The following STX2 variants were observed in gnomAD, a reference collection of about 807,000 sequenced individuals.
STX2 encodes the protein syntaxin-2.
STX2 carries 27 observed loss-of-function variants against 40.6 expected under a neutral mutation model. The observed-to-expected ratio is 0.66, with a 90% CI of 0.49 to 0.92. The LOEUF (loss-of-function observed/expected upper bound fraction) is 0.92, where lower values mean the gene tolerates loss of function less well. STX2 is among the 40% of genes least tolerant of loss of function. The pLI is 0.00. For missense variants in STX2, 328 were observed against 366.1 expected (o/e 0.90, Z 0.85); for synonymous variants, 123 against 119.1 (o/e 1.03, Z -0.22).
intron 6 of STX2, among the ~76,000 whole-genome samples, chr12:130,805,989 G>C (rs978696727): frequency 4.6e-5 from 7 of 152,124 alleles, no homozygotes; most frequent in African/African-American, 1.4e-4. Flanking sequence ...CAACACAGCA[G>C]ACATGTAAAA....
intron 1 of STX2, among the ~76,000 whole-genome samples, chr12:130,834,896 C>A (rs1327462631): frequency 2.0e-5 from 3 of 152,214 alleles, no homozygotes; most frequent in Non-Finnish European, 4.4e-5. Flanking sequence ...TTGGAACCTG[C>A]ATCTTCACTA....
chr12:130,818,300 G>A (rs1477033921), intron 3 of STX2, among the ~76,000 whole-genome samples: 1 of 149,226 alleles, frequency 6.7e-6, no homozygotes, highest in Non-Finnish European at 1.5e-5. Context: ...GAGCCCAGGA[G>A]GCTGAGCCTG....
rs145795080 is a variant in STX2, at chr12:130,791,904, G to A, written c.*119C>T. 7.4e-6 allele frequency: 12 copies of A among 1,611,302 alleles called. No individual in the cohort carries two copies. The African/African-American group carries it at 1.3e-4, about 18-fold the overall frequency. ...ATGGCTCTTGGGATATGGTTGCTAG[G>A]ACAATGTTGTTGCTAGGATAATTCC... On this transcript the variant is annotated 3_prime_UTR_variant, in exon 11 of 11. Transcript: ENST00000392373.
chr12:130,794,630 G>A (rs1252185938), intron 10 of STX2, among the ~76,000 whole-genome samples: 1 of 152,160 alleles, frequency 6.6e-6, no homozygotes, highest in Non-Finnish European at 1.5e-5. Flanking sequence ...TGGCGTAGCT[G>A]GGACTATAGG....
intron 1 of STX2, among the ~76,000 whole-genome samples, chr12:130,828,710 C>CA (rs1054874359): frequency 4.0e-5 from 6 of 150,648 alleles, no homozygotes; most frequent in African/African-American, 1.2e-4. Context: ...ACTAAAAATA[C>CA]AAAAAAAATT....
chr12:130,828,922 C>T (rs1952445784), intron 1 of STX2, among the ~76,000 whole-genome samples: 1 of 151,404 alleles, frequency 6.6e-6, no homozygotes, highest in South Asian at 2.1e-4. Context: ...AACCGACAAG[C>T]AGCAGAAACT....
At chr12:130,824,282 G>C in intron 2 of STX2, among the ~76,000 whole-genome samples, 1 of 97,462 alleles carries the variant, frequency 1.0e-5, no homozygotes, top group Admixed American at 1.1e-4. Context: ...AGCTACTCAG[G>C]AGGCTGACAA....
chr12:130,794,919 G>A (rs2137007365), intron 10 of STX2, among the ~76,000 whole-genome samples: 1 of 152,278 alleles, frequency 6.6e-6, no homozygotes, highest in East Asian at 1.9e-4. Context: ...CAAGAATTGT[G>A]CCAAACATTT....
At chr12:130,799,838 G>A (rs1951159496) in intron 8 of STX2, among the ~76,000 whole-genome samples, 2 of 151,824 alleles carry the variant, frequency 1.3e-5, no homozygotes, top group African/African-American at 4.8e-5. Context: ...AAATAGGCAT[G>A]GTGCCTGAGT....
intron 8 of STX2, among the ~76,000 whole-genome samples, chr12:130,799,984 C>A (rs996424461): frequency 2.6e-5 from 4 of 152,116 alleles, no homozygotes; most frequent in African/African-American, 9.7e-5. Context: ...AGAAAATAAG[C>A]CCATCAGATG....
At chr12:130,822,164 C>G (rs925797706) in intron 2 of STX2, among the ~76,000 whole-genome samples, 8 of 152,168 alleles carry the variant, frequency 5.3e-5, no homozygotes, top group Non-Finnish European at 8.8e-5. Context: ...CACCTGTAAT[C>G]CCAGCACTGT....
chr12:130,803,450 T>C lies in STX2; in HGVS notation c.464-1962A>G, dbSNP rs187091182. ...AACTTGTTCTAAATAATGTAAAATA[T>C]AATCATCAAAACTAGAAATTTCAGC... is the stretch of plus-strand genomic sequence containing the variant. On this transcript the variant is annotated intron_variant, in intron 6 of 10. Transcript: ENST00000392373. 5.8e-4 allele frequency among the ~76,000 whole-genome samples: 88 copies of C among 152,218 alleles called. 2 individuals carry two copies. The highest frequency in any genetic ancestry group is 2.1e-4 in the South Asian group (1 of 4,822).
intron 1 of STX2, among the ~76,000 whole-genome samples, chr12:130,836,309 T>C (rs1395268922): frequency 6.6e-6 from 1 of 152,194 alleles, no homozygotes; most frequent in Non-Finnish European, 1.5e-5. Flanking sequence ...ATCTGTCTGT[T>C]GCCCAGGCTG....
intron 1 of STX2, among the ~76,000 whole-genome samples, chr12:130,833,815 T>C (rs1952662382): frequency 6.6e-6 from 1 of 152,190 alleles, no homozygotes; most frequent in Admixed American, 6.5e-5. Flanking sequence ...GCATCTACAT[T>C]TTTCTTACCA....
At chr12:130,816,383 T>A (rs867060443) in intron 3 of STX2, among the ~76,000 whole-genome samples, 1 of 151,104 alleles carries the variant, frequency 6.6e-6, no homozygotes, top group African/African-American at 2.5e-5. Context: ...GGGGCACTCA[T>A]GACGGAGTGA....
At chr12:130,797,840 G>A (rs1951079630) in intron 9 of STX2, among the ~76,000 whole-genome samples, 1 of 152,204 alleles carries the variant, frequency 6.6e-6, no homozygotes. Flanking sequence ...CTTTAAGTGG[G>A]TGCTACCTAA....
chr12:130,818,605 T>C (rs1011040566), intron 3 of STX2, among the ~76,000 whole-genome samples: 3 of 151,988 alleles, frequency 2.0e-5, no homozygotes, highest in Non-Finnish European at 2.9e-5. Flanking sequence ...TCTCCATGAG[T>C]CTGATTTCCC....
intron 1 of STX2, among the ~76,000 whole-genome samples, chr12:130,830,922 G>A (rs1315259176): frequency 5.3e-5 from 8 of 152,186 alleles, no homozygotes; most frequent in African/African-American, 1.7e-4. Flanking sequence ...CCCAAGTGTC[G>A]AAGTACAGGA....
chr12:130,811,394 C>T (rs1951646526), intron 4 of STX2, among the ~76,000 whole-genome samples: 1 of 150,538 alleles, frequency 6.6e-6, no homozygotes, highest in Non-Finnish European at 1.5e-5. Flanking sequence ...TTACTGCTTG[C>T]AACTTCTAAT....
Sources: allele counts gnomAD v4.1 joint callset (sites outside exome capture counted in the v4.1 genomes callset), GRCh38; gene constraint gnomAD v4.1.1; transcripts MANE v1.5; gene names NCBI Gene and HGNC (gene_info 2026-07-23, HGNC 2026-07-21).